Variants in VAV3 observed in about 807,000 individuals in gnomAD.
VAV3 encodes the protein guanine nucleotide exchange factor VAV3.
A neutral mutation model predicts 131.2 loss-of-function variants in VAV3; 94 were observed. That is an observed-to-expected ratio of 0.72 (90% CI 0.61 to 0.85). The LOEUF is 0.85. VAV3 is among the 40% of genes least tolerant of loss of function. The pLI is 0.00. For synonymous variants in VAV3, 349 were observed against 342.0 expected (o/e 1.02, Z -0.22); for missense variants, 939 against 1,002.7 (o/e 0.94, Z 0.86).
chr1:107,740,062 G>A lies in VAV3; in HGVS notation c.1502+8906C>T, dbSNP rs549170559. On this transcript the variant is annotated intron_variant, in intron 15 of 26. Transcript: ENST00000370056. The stretch of plus-strand genomic sequence containing the variant: ...ACCACTTTGGGAGGCCAAGATGTGC[G>A]GATCACCTGAGGTCAGAAGTTTGAG... Among the ~76,000 whole-genome samples, 10 of 152,288 alleles carry A rather than the reference G, an allele frequency of 6.6e-5. No homozygotes were observed. The South Asian group carries it at 1.2e-3, about 19-fold the overall frequency.
At chr1:107,884,707 C>G (rs1442966537) in intron 1 of VAV3, among the ~76,000 whole-genome samples, 1 of 151,852 alleles carries the variant, frequency 6.6e-6, no homozygotes, top group Non-Finnish European at 1.5e-5. Context: ...ACCTTAACCT[C>G]CCAAAGTGCT....
At chr1:107,727,567 A>G (rs1661926012) in intron 15 of VAV3, among the ~76,000 whole-genome samples, 1 of 152,120 alleles carries the variant, frequency 6.6e-6, no homozygotes, top group Non-Finnish European at 1.5e-5. Context: ...AACCAATTAC[A>G]AACAGTCTAC....
At chr1:107,653,707 C>T (rs1656336799) in intron 19 of VAV3, among the ~76,000 whole-genome samples, 2 of 152,088 alleles carry the variant, frequency 1.3e-5, no homozygotes, top group Non-Finnish European at 2.9e-5. Context: ...AAATGTATAA[C>T]TATTATTCAA....
intron 1 of VAV3, among the ~76,000 whole-genome samples, chr1:107,920,239 C>A (rs1672830489): frequency 6.6e-6 from 1 of 152,186 alleles, no homozygotes; most frequent in Non-Finnish European, 1.5e-5. Context: ...AGTACTGGCA[C>A]AATGCTACCA....
intron 1 of VAV3, among the ~76,000 whole-genome samples, chr1:107,960,284 A>G (rs759897323): frequency 6.6e-6 from 1 of 152,080 alleles, no homozygotes; most frequent in Non-Finnish European, 1.5e-5. Flanking sequence ...TCTAGGCAAC[A>G]TGGTGAAACC....
At chr1:107,899,244 A>T (rs1671748147) in intron 1 of VAV3, among the ~76,000 whole-genome samples, 1 of 152,314 alleles carries the variant, frequency 6.6e-6, no homozygotes, top group South Asian at 2.1e-4. Flanking sequence ...CTAGAAATAT[A>T]GAAGAGAGTG....
chr1:107,762,686 A>G (rs1039492494), intron 9 of VAV3, among the ~76,000 whole-genome samples: 1 of 152,198 alleles, frequency 6.6e-6, no homozygotes, highest in Non-Finnish European at 1.5e-5. Flanking sequence ...AAAATTCACT[A>G]TATTATGGAA....
At chr1:107,628,001 A>G (rs1235897404) in intron 20 of VAV3, among the ~76,000 whole-genome samples, 1 of 150,400 alleles carries the variant, frequency 6.6e-6, no homozygotes, top group Non-Finnish European at 1.5e-5. Flanking sequence ...CCAGGCAGGA[A>G]GAAGGATAAA....
rs115666101 is a variant in VAV3, at chr1:107,924,314, T to C, written c.204+40352A>G. 4.9e-3 allele frequency among the ~76,000 whole-genome samples: 752 copies of C among 152,194 alleles called. 4 individuals carry two copies. The highest frequency in any genetic ancestry group is 0.017 in the African/African-American group (699 of 41,528). On this transcript the variant is annotated intron_variant, in intron 1 of 26. Transcript: ENST00000370056. ...ATTACAAATCAATTGTTATAAATTGTTTCCACATAAAGAATTTTGAATGTT... is the reference window on the plus strand; with the variant it reads ...ATTACAAATCAATTGTTATAAATTGCTTCCACATAAAGAATTTTGAATGTT...
chr1:107,943,596 G>A (rs1254299956), intron 1 of VAV3, among the ~76,000 whole-genome samples: 3 of 152,138 alleles, frequency 2.0e-5, no homozygotes, highest in African/African-American at 7.2e-5. Flanking sequence ...ACAAAAATTA[G>A]CTGGGCATGG....
chr1:107,779,554 C>G (rs1665569916), intron 2 of VAV3, 62 bp from the exon 3 acceptor site: 1 of 1,388,922 alleles, frequency 7.2e-7, no homozygotes, highest in African/African-American at 1.5e-5. Flanking sequence ...TTTCTTTTTC[C>G]AAAATTTTTT....
chr1:107,782,160 C>A (rs1665724631), intron 2 of VAV3, among the ~76,000 whole-genome samples: 1 of 152,164 alleles, frequency 6.6e-6, no homozygotes, highest in East Asian at 1.9e-4. Context: ...AGAAAAATAG[C>A]AATAGCAGTA....
At chr1:107,808,348 C>T (rs115991737) in intron 2 of VAV3, among the ~76,000 whole-genome samples, 120 of 152,120 alleles carry the variant, frequency 7.9e-4, no homozygotes, top group African/African-American at 2.8e-3. Context: ...AAAGATAAGG[C>T]AAAAGTAATG....
chr1:107,814,586 T>C (rs1667484273), intron 2 of VAV3, among the ~76,000 whole-genome samples: 1 of 152,214 alleles, frequency 6.6e-6, no homozygotes, highest in South Asian at 2.1e-4. Context: ...CAACAAGCTG[T>C]CTCTTCACTT....
At position 107,888,322 on chromosome 1, in the gene VAV3, G is replaced by A. The variant is rs189904737; in HGVS notation, c.205-13305C>T. 2.8e-3 allele frequency among the ~76,000 whole-genome samples: 419 copies of A among 152,278 alleles called. 2 individuals are homozygous for A. Among genetic ancestry groups the A allele is most frequent in the Non-Finnish European group, 4.9e-3 (335 of 68,024 alleles). On this transcript the variant is annotated intron_variant, in intron 1 of 26. Coordinates refer to ENST00000370056, the MANE Select transcript of VAV3 (RefSeq NM_006113.5). Reference sequence around the variant, plus strand: ...CAACAAACCCAGTGTTTAAACTGTAGCTCAGATCAGCAAAACACGTAGCGC... The same window carrying A: ...CAACAAACCCAGTGTTTAAACTGTAACTCAGATCAGCAAAACACGTAGCGC...
At chr1:107,689,954 C>T (rs560837768) in intron 17 of VAV3, among the ~76,000 whole-genome samples, 1 of 152,080 alleles carries the variant, frequency 6.6e-6, no homozygotes, top group Non-Finnish European at 1.5e-5. Flanking sequence ...TCCCTATTCC[C>T]CTACTGGTGA....
chr1:107,941,687 A>C (rs1039747258), intron 1 of VAV3, among the ~76,000 whole-genome samples: 2 of 152,198 alleles, frequency 1.3e-5, no homozygotes, highest in African/African-American at 4.8e-5. Flanking sequence ...AGAAAACTTC[A>C]GAGGCTCCTC....
At chr1:107,708,930 A>G (rs957075394) in intron 15 of VAV3, among the ~76,000 whole-genome samples, 5 of 151,558 alleles carry the variant, frequency 3.3e-5, no homozygotes, top group African/African-American at 1.2e-4. Flanking sequence ...ACATATACAC[A>G]CCCGCACACC....
intron 15 of VAV3, among the ~76,000 whole-genome samples, chr1:107,721,486 G>T (rs959281295): frequency 2.0e-5 from 3 of 152,148 alleles, no homozygotes; most frequent in Middle Eastern, 3.2e-3. Context: ...CCAAAACAGG[G>T]TAGGCATAAG....
Sources: allele counts gnomAD v4.1 joint callset (sites outside exome capture counted in the v4.1 genomes callset), GRCh38; gene constraint gnomAD v4.1.1; transcripts MANE v1.5; gene names NCBI Gene and HGNC (gene_info 2026-07-23, HGNC 2026-07-21).